Variants in EYA2 observed in about 807,000 individuals in gnomAD.
EYA2 encodes EYA transcriptional coactivator and phosphatase 2, also known as protein phosphatase EYA2.
A neutral mutation model predicts 69.2 loss-of-function variants in EYA2; 31 were observed. The ratio of observed to expected loss-of-function variants is 0.45; its 90% CI spans 0.34 to 0.60. EYA2 has a LOEUF of 0.60. EYA2 is among the 20% of genes least tolerant of loss of function. EYA2 has a pLI of 0.02. For missense variants in EYA2, 622 were observed against 701.2 expected, an observed-to-expected ratio of 0.89 and a Z score of 1.28; for synonymous variants, 257 against 279.4, an observed-to-expected ratio of 0.92 and a Z score of 0.80.
intron 9 of EYA2, among the ~76,000 whole-genome samples, chr20:47,131,645 G>C (rs1057495143): frequency 6.6e-6 from 1 of 152,204 alleles, no homozygotes; most frequent in Non-Finnish European, 1.5e-5. Flanking sequence ...CCAGAAGCAA[G>C]ATATTGGAGT....
chr20:47,041,624 G>A (rs868658258), intron 5 of EYA2, among the ~76,000 whole-genome samples: 25 of 152,294 alleles, frequency 1.6e-4, no homozygotes, highest in Middle Eastern at 6.8e-3. Context: ...GACCAATCAA[G>A]GAAGCCACTG....
intron 1 of EYA2, among the ~76,000 whole-genome samples, chr20:46,959,733 T>C (rs945023337): frequency 6.6e-6 from 1 of 152,222 alleles, no homozygotes; most frequent in African/African-American, 2.4e-5. Flanking sequence ...GCTTCTCTCT[T>C]ACCCTCTCCC....
chr20:46,914,276 T>C (rs1984791568), intron 1 of EYA2, among the ~76,000 whole-genome samples: 1 of 151,872 alleles, frequency 6.6e-6, no homozygotes, highest in South Asian at 2.1e-4. Flanking sequence ...AAAATAGGAG[T>C]CAGTGGCATA....
intron 1 of EYA2, among the ~76,000 whole-genome samples, chr20:46,979,972 C>T (rs1150445): frequency 0.035 from 5,401 of 152,206 alleles, 318 homozygotes; most frequent in African/African-American, 0.12. Flanking sequence ...AAGGTTACAC[C>T]GCTGATAACG....
intron 7 of EYA2, among the ~76,000 whole-genome samples, chr20:47,076,193 T>G (rs2031507292): frequency 6.6e-6 from 1 of 152,226 alleles, no homozygotes; most frequent in African/African-American, 2.4e-5. Context: ...GTAGAAAAAT[T>G]TATATTCCTT....
At chr20:46,927,171 C>A (rs189706412) in intron 1 of EYA2, among the ~76,000 whole-genome samples, 1 of 152,324 alleles carries the variant, frequency 6.6e-6, no homozygotes, top group Non-Finnish European at 1.5e-5. Flanking sequence ...AAATTCATTT[C>A]AGCACAAGAG....
At chr20:47,116,087 C>T (rs1014033562) in intron 9 of EYA2, among the ~76,000 whole-genome samples, 1 of 152,028 alleles carries the variant, frequency 6.6e-6, no homozygotes, top group African/African-American at 2.4e-5. Context: ...TGGTTCATAG[C>T]ACCACAGTGC....
intron 3 of EYA2, among the ~76,000 whole-genome samples, chr20:47,002,469 T>C (rs1010782512): frequency 6.6e-6 from 1 of 152,236 alleles, no homozygotes; most frequent in African/African-American, 2.4e-5. Flanking sequence ...TGGTTTTCTG[T>C]TCCTGCATTA....
intron 6 of EYA2, 59 bp from the exon 7 acceptor site, chr20:47,074,099 C>G: frequency 6.8e-7 from 1 of 1,471,916 alleles, no homozygotes; most frequent in South Asian, 1.4e-5. Flanking sequence ...GGCTGACCAA[C>G]GGCCCGAGCC....
rs995902381 is a variant in EYA2 at position 47,188,292 on chromosome 20, G to C, written c.*159G>C. On this transcript the variant is annotated 3_prime_UTR_variant, in exon 16 of 16. Coordinates refer to ENST00000327619, the MANE Select transcript of EYA2 (RefSeq NM_005244.5). Reference sequence around the variant, plus strand: ...TGACCATCTCAGAAGCCGTCCATCAGTCCAAATGGGGGTTCTGAGAAGGAA... The same window carrying C: ...TGACCATCTCAGAAGCCGTCCATCACTCCAAATGGGGGTTCTGAGAAGGAA... The C allele has an allele frequency of 1.5e-6, 1 of 653,340 alleles. No homozygotes were observed. Among genetic ancestry groups the C allele is most frequent in the Middle Eastern group, 2.5e-4 (1 of 3,958 alleles). The allele number at this position is 653,340 out of a possible 1,614,324, so 40.5% of individuals were successfully genotyped here.
intron 5 of EYA2, among the ~76,000 whole-genome samples, chr20:47,057,509 C>CT (rs2030686040): frequency 8.5e-6 from 1 of 117,018 alleles, no homozygotes. Flanking sequence ...CTTTTTATAT[C>CT]ACCCCCCCCC....
intron 5 of EYA2, among the ~76,000 whole-genome samples, chr20:47,018,917 G>A (rs1983578992): frequency 6.6e-6 from 1 of 152,144 alleles, no homozygotes; most frequent in Admixed American, 6.5e-5. Context: ...ACTCCTTCAG[G>A]ACTCCAGGAA....
chr20:47,123,051 T>C (rs1015858388), intron 9 of EYA2, among the ~76,000 whole-genome samples: 1 of 152,176 alleles, frequency 6.6e-6, no homozygotes, highest in African/African-American at 2.4e-5. Flanking sequence ...ATAACAATAA[T>C]ACTCACCTTA....
chr20:46,988,594 A>G (rs2041497339), intron 1 of EYA2, among the ~76,000 whole-genome samples: 1 of 152,252 alleles, frequency 6.6e-6, no homozygotes, highest in Non-Finnish European at 1.5e-5. Context: ...AGACAACTGC[A>G]GGTTAAATGT....
At chr20:46,971,080 TACACACAC>T (rs148380754) in intron 1 of EYA2, among the ~76,000 whole-genome samples, 3 of 147,176 alleles carry the variant, frequency 2.0e-5, no homozygotes, top group Non-Finnish European at 3.0e-5. Flanking sequence ...ATAAAGTTGC[TACACACAC>T]ACACACACAC....
intron 5 of EYA2, among the ~76,000 whole-genome samples, chr20:47,048,656 G>C (rs2030168373): frequency 6.6e-6 from 1 of 152,202 alleles, no homozygotes; most frequent in South Asian, 2.1e-4. Flanking sequence ...AGAATTGCTT[G>C]AACCTGGGAG....
chr20:47,146,487 G>A (rs1286235537), intron 10 of EYA2, among the ~76,000 whole-genome samples: 1 of 152,202 alleles, frequency 6.6e-6, no homozygotes, highest in East Asian at 1.9e-4. Context: ...GCTACTTAGG[G>A]AAGCCAGTTT....
chr20:46,942,922 C>T (rs543260652), intron 1 of EYA2, among the ~76,000 whole-genome samples: 2 of 152,302 alleles, frequency 1.3e-5, no homozygotes, highest in African/African-American at 4.8e-5. Context: ...CGTGCTACCA[C>T]GTCTGGCTAA....
At chr20:47,014,506 C>T (rs1193747675) in intron 4 of EYA2, among the ~76,000 whole-genome samples, 1 of 152,126 alleles carries the variant, frequency 6.6e-6, no homozygotes, top group African/African-American at 2.4e-5. Flanking sequence ...GAGAATGTCA[C>T]CTACAATCTA....
Sources: allele counts gnomAD v4.1 joint callset (sites outside exome capture counted in the v4.1 genomes callset), GRCh38; gene constraint gnomAD v4.1.1; transcripts MANE v1.5; gene names NCBI Gene and HGNC (gene_info 2026-07-23, HGNC 2026-07-21).